The following CDH18 variants were observed in gnomAD, a reference collection of about 807,000 sequenced individuals.
CDH18 encodes cadherin 18.
A neutral mutation model predicts 67.9 loss-of-function variants in CDH18; 31 were observed. The ratio of observed to expected loss-of-function variants is 0.46; its 90% CI spans 0.34 to 0.62. CDH18 has a LOEUF of 0.62. CDH18 is among the 20% of genes least tolerant of loss of function. The pLI is 0.01. For missense variants in CDH18, 890 were observed against 975.5 expected, an observed-to-expected ratio of 0.91 and a Z score of 1.17; for synonymous variants, 362 against 347.2, an observed-to-expected ratio of 1.04 and a Z score of -0.48.
intron 1 of CDH18, among the ~76,000 whole-genome samples, chr5:20,357,742 C>A (rs1741750152): frequency 6.6e-6 from 1 of 152,150 alleles, no homozygotes; most frequent in Admixed American, 6.5e-5. Context: ...CTGTGGAGAG[C>A]AAATTGGAGA....
At chr5:20,247,376 A>C (rs1743462570) in intron 2 of CDH18, among the ~76,000 whole-genome samples, 1 of 152,226 alleles carries the variant, frequency 6.6e-6, no homozygotes, top group Non-Finnish European at 1.5e-5. Context: ...AAATGTAAAA[A>C]TAAATATGGT....
At chr5:19,590,318 G>A (rs1744886555) in intron 7 of CDH18, among the ~76,000 whole-genome samples, 2 of 152,024 alleles carry the variant, frequency 1.3e-5, no homozygotes, top group Non-Finnish European at 1.5e-5. Flanking sequence ...TGTTCTCTAA[G>A]TGTTTAAAAC....
At chr5:20,092,771 A>C (rs1339903375) in intron 2 of CDH18, among the ~76,000 whole-genome samples, 1 of 152,170 alleles carries the variant, frequency 6.6e-6, no homozygotes, top group Non-Finnish European at 1.5e-5. Context: ...GCACAGTATT[A>C]CATTTTTAAT....
intron 1 of CDH18, among the ~76,000 whole-genome samples, chr5:20,435,092 G>A (rs189645417): frequency 2.0e-5 from 3 of 152,036 alleles, no homozygotes; most frequent in Non-Finnish European, 4.4e-5. Context: ...ATGTGAAGAT[G>A]CAATTTAGAA....
At chr5:20,294,171 G>A (rs1051499401) in intron 1 of CDH18, among the ~76,000 whole-genome samples, 3 of 152,216 alleles carry the variant, frequency 2.0e-5, no homozygotes, top group Admixed American at 6.5e-5. Flanking sequence ...GAACACTTAC[G>A]AAAGCATTTC....
chr5:20,314,982 T>C (rs1737334328), intron 1 of CDH18, among the ~76,000 whole-genome samples: 1 of 152,132 alleles, frequency 6.6e-6, no homozygotes, highest in Non-Finnish European at 1.5e-5. Flanking sequence ...GTAGCCACTG[T>C]GTTAATGTCA....
chr5:19,577,500 A>C (rs1363569569), intron 7 of CDH18, among the ~76,000 whole-genome samples: 1 of 151,994 alleles, frequency 6.6e-6, no homozygotes, highest in African/African-American at 2.4e-5. Context: ...CTACCATTGT[A>C]TTTTAGATAA....
intron 1 of CDH18, among the ~76,000 whole-genome samples, chr5:20,336,238 C>CT (rs1456860425): frequency 6.6e-6 from 1 of 152,084 alleles, no homozygotes; most frequent in Non-Finnish European, 1.5e-5. Flanking sequence ...GTCATCTCCC[C>CT]TTTTCCCCCA....
chr5:19,495,197 A>G (rs1742083853), intron 11 of CDH18, among the ~76,000 whole-genome samples: 1 of 152,174 alleles, frequency 6.6e-6, no homozygotes, highest in African/African-American at 2.4e-5. Flanking sequence ...TTCTAACCCA[A>G]TTTAATTAAA....
At chr5:20,399,441 T>G (rs1167455606) in intron 1 of CDH18, among the ~76,000 whole-genome samples, 1 of 152,162 alleles carries the variant, frequency 6.6e-6, no homozygotes, top group Non-Finnish European at 1.5e-5. Context: ...AGAATTAATA[T>G]AAATGTGAAT....
intron 2 of CDH18, among the ~76,000 whole-genome samples, chr5:20,228,669 A>G (rs1458351759): frequency 1.3e-5 from 2 of 151,984 alleles, no homozygotes; most frequent in Non-Finnish European, 2.9e-5. Flanking sequence ...GCCTTTTATG[A>G]GATCAACTTT....
intron 1 of CDH18, among the ~76,000 whole-genome samples, chr5:20,510,389 G>A (rs550460486): frequency 2.6e-5 from 4 of 152,190 alleles, no homozygotes; most frequent in African/African-American, 9.6e-5. Context: ...CTCTTGCTAT[G>A]CAGAAACATT....
In CDH18 at chr5:20,399,997, A is replaced by T. The variant is rs75438247; in HGVS notation, c.-579-144492T>A. ...TATATCATCAGAAATGTTTAACTTCATATTTTAATTATCAAATCCTCCTAC... is the reference window on the plus strand; with the variant it reads ...TATATCATCAGAAATGTTTAACTTCTTATTTTAATTATCAAATCCTCCTAC... On this transcript the variant is annotated intron_variant, in intron 1 of 14. Transcript: ENST00000507958. Among the ~76,000 whole-genome samples the T allele has an allele frequency of 8.9e-3, 1,357 of 152,296 alleles. 15 individuals carry two copies. The highest frequency in any genetic ancestry group is 0.031 in the African/African-American group (1,291 of 41,566).
chr5:20,065,223 G>A (rs988466426), intron 2 of CDH18, among the ~76,000 whole-genome samples: 4 of 151,880 alleles, frequency 2.6e-5, no homozygotes, highest in African/African-American at 9.7e-5. Context: ...ATCAAAAAAT[G>A]AGGAAGTGAC....
At chr5:20,347,399 G>T (rs538569565) in intron 1 of CDH18, among the ~76,000 whole-genome samples, 2 of 152,096 alleles carry the variant, frequency 1.3e-5, no homozygotes, top group Admixed American at 6.6e-5. Flanking sequence ...TCCCTAAACC[G>T]CAATTAGGGT....
chr5:20,320,802 C>A (rs1020152702), intron 1 of CDH18, among the ~76,000 whole-genome samples: 2 of 152,094 alleles, frequency 1.3e-5, no homozygotes, highest in African/African-American at 4.8e-5. Context: ...TCCTGTGGCC[C>A]ATGAGGGGAC....
chr5:19,923,682 A>G (rs12655266), intron 2 of CDH18, among the ~76,000 whole-genome samples: 131,950 of 152,138 alleles, frequency 0.87, 57,928 homozygotes, highest in South Asian at 0.97. Context: ...TCTAACTCAG[A>G]ACAAACAACT....
intron 2 of CDH18, among the ~76,000 whole-genome samples, chr5:20,242,604 A>ATATGTATATTTATATATATACATAC (rs1743024110): frequency 1.4e-5 from 1 of 70,472 alleles, no homozygotes; most frequent in Non-Finnish European, 2.3e-5. Flanking sequence ...GGGAAAAAAA[A>ATATGTATATTTATATATATACATAC]AAAAAAAATA....
At chr5:19,520,377 A>G (rs529831341) in intron 10 of CDH18, among the ~76,000 whole-genome samples, 1 of 152,306 alleles carries the variant, frequency 6.6e-6, no homozygotes, top group Non-Finnish European at 1.5e-5. Context: ...CACTTAAAGT[A>G]GGGTTGGACA....
Sources: gnomAD v4.1 joint callset for allele counts (sites outside exome capture counted in the v4.1 genomes callset) on GRCh38, gnomAD v4.1.1 for gene constraint, MANE v1.5 for transcripts, NCBI Gene and HGNC (gene_info 2026-07-23, HGNC 2026-07-21) for gene names.